The following GNA14 variants were observed in gnomAD, a reference collection of about 807,000 sequenced individuals.
GNA14 encodes guanine nucleotide-binding protein subunit alpha-14.
In GNA14, 50 loss-of-function variants were observed where a neutral mutation model predicts 42.0. That is an observed-to-expected ratio of 1.19 (90% CI 0.95 to 1.51). The LOEUF is 1.51. Ranked by LOEUF, GNA14 falls within the 40% of genes most tolerant of loss-of-function variation. The probability of loss-of-function intolerance (pLI) is 0.00; values close to 1 mark genes in which losing one functional copy is unlikely to be tolerated. For synonymous variants in GNA14, 173 were observed against 163.1 expected (o/e 1.06, Z -0.46); for missense variants, 473 against 446.2 (o/e 1.06, Z -0.54).
At chr9:77,549,513 C>T (rs1467224065) in intron 1 of GNA14, among the ~76,000 whole-genome samples, 1 of 152,176 alleles carries the variant, frequency 6.6e-6, no homozygotes, top group African/African-American at 2.4e-5. Flanking sequence ...CCTTATTATT[C>T]AGTTGTTTTG....
chr9:77,589,559 G>A (rs1178782448), intron 1 of GNA14, among the ~76,000 whole-genome samples: 1 of 152,170 alleles, frequency 6.6e-6, no homozygotes, highest in Non-Finnish European at 1.5e-5. Context: ...TACTGTGTTT[G>A]TTGAAAGGGG....
intron 3 of GNA14, among the ~76,000 whole-genome samples, chr9:77,433,612 C>T (rs1835594641): frequency 6.6e-6 from 1 of 152,134 alleles, no homozygotes; most frequent in Admixed American, 6.6e-5. Flanking sequence ...ATCCTCCCAC[C>T]TCTGCCTCCC....
At chr9:77,521,881 G>A (rs1477681391) in intron 2 of GNA14, among the ~76,000 whole-genome samples, 1 of 152,108 alleles carries the variant, frequency 6.6e-6, no homozygotes, top group Admixed American at 6.5e-5. Context: ...CACCCAGGCT[G>A]GGGTGCAATG....
At chr9:77,591,604 A>G (rs1257047043) in intron 1 of GNA14, among the ~76,000 whole-genome samples, 1 of 152,218 alleles carries the variant, frequency 6.6e-6, no homozygotes, top group South Asian at 2.1e-4. Flanking sequence ...TAGGGTGAGA[A>G]GCATAGTTTA....
chr9:77,525,760 G>A lies in GNA14; in HGVS notation c.309+3309C>T, dbSNP rs28363916. 5.9e-5 allele frequency among the ~76,000 whole-genome samples: 9 copies of A among 151,710 alleles called. No individual in the cohort carries two copies. The East Asian group carries it at 1.2e-3, about 20-fold the overall frequency. On this transcript the variant is annotated intron_variant, in intron 2 of 6. Coordinates refer to ENST00000341700, the MANE Select transcript of GNA14 (RefSeq NM_004297.4). ...TCACCGCGTTAGCCAGGATGATCTC[G>A]ATCTCCTGACCTTGTAATATGCCTG...
chr9:77,595,486 C>G (rs1003843372), intron 1 of GNA14, among the ~76,000 whole-genome samples: 2 of 152,104 alleles, frequency 1.3e-5, no homozygotes, highest in Admixed American at 6.5e-5. Context: ...AAGAGGAAAC[C>G]GGAGGTTATT....
chr9:77,643,559 T>C (rs1478230504), intron 1 of GNA14, among the ~76,000 whole-genome samples: 2 of 152,150 alleles, frequency 1.3e-5, no homozygotes, highest in Admixed American at 1.3e-4. Context: ...CTTTCTACCT[T>C]AAAACTCACA....
rs367816975 is a variant in GNA14 at position 77,635,892 on chromosome 9, T to C, written c.124+11778A>G. 1.4e-4 allele frequency among the ~76,000 whole-genome samples: 21 copies of C among 152,344 alleles called. No individual in the cohort carries two copies. In the East Asian group the frequency reaches 3.1e-3, roughly 22 times the overall value. On this transcript the variant is annotated intron_variant, in intron 1 of 6. Coordinates refer to ENST00000341700, the MANE Select transcript of GNA14 (RefSeq NM_004297.4). Reference sequence around the variant, plus strand: ...CATCCATAGGATCAAAGTTTGTACTTGTGTTTCTCAAACACTGTAGGAAGG... The same window carrying C: ...CATCCATAGGATCAAAGTTTGTACTCGTGTTTCTCAAACACTGTAGGAAGG...
chr9:77,488,784 TAAAAAAA>T (rs67416479), intron 2 of GNA14, among the ~76,000 whole-genome samples: 6 of 53,684 alleles, frequency 1.1e-4, no homozygotes, highest in Admixed American at 2.4e-4. Flanking sequence ...CACACCTAAT[TAAAAAAA>T]AAAAAAAAAA....
At chr9:77,445,125 G>C (rs1246804667) in intron 2 of GNA14, among the ~76,000 whole-genome samples, 1 of 152,238 alleles carries the variant, frequency 6.6e-6, no homozygotes, top group Non-Finnish European at 1.5e-5. Context: ...CTGATGGCGG[G>C]GAAGGAGAAG....
chr9:77,522,240 G>A (rs1837368797), intron 2 of GNA14, among the ~76,000 whole-genome samples: 3 of 152,166 alleles, frequency 2.0e-5, no homozygotes, highest in African/African-American at 7.2e-5. Context: ...AGCAACAGTA[G>A]GAGAAGGCAG....
At chr9:77,443,483 C>T (rs1835768023) in intron 2 of GNA14, among the ~76,000 whole-genome samples, 2 of 152,210 alleles carry the variant, frequency 1.3e-5, no homozygotes, top group Admixed American at 1.3e-4. Flanking sequence ...ACCTAGACTT[C>T]AATCTCCCAC....
chr9:77,436,551 G>A (rs1453002278), intron 2 of GNA14, among the ~76,000 whole-genome samples: 2 of 152,214 alleles, frequency 1.3e-5, no homozygotes, highest in Non-Finnish European at 2.9e-5. Context: ...TGGCGAGAAT[G>A]ATGGATGGAG....
intron 1 of GNA14, among the ~76,000 whole-genome samples, chr9:77,627,834 G>A (rs937510229): frequency 9.2e-5 from 14 of 152,062 alleles, no homozygotes; most frequent in East Asian, 1.9e-4. Flanking sequence ...AACTGGCCAA[G>A]ACAAGGATAC....
Position 77,573,863 on chromosome 9 carries a change from G to A in GNA14, c.125-44610C>T, listed in dbSNP as rs181988785. Among the ~76,000 whole-genome samples the A allele has an allele frequency of 5.8e-3, 884 of 152,296 alleles. 8 individuals are homozygous for A. Among genetic ancestry groups the A allele is most frequent in the African/African-American group, 0.02 (823 of 41,562 alleles). ...ATGTGACTAACTCCACCTTAGAGAA[G>A]AAGAGGGTCAGGAGAGAAGGTGGCA... On this transcript the variant is annotated intron_variant, in intron 1 of 6. Coordinates refer to ENST00000341700, the MANE Select transcript of GNA14 (RefSeq NM_004297.4).
intron 1 of GNA14, among the ~76,000 whole-genome samples, chr9:77,562,290 A>G (rs149477056): frequency 2.7e-4 from 41 of 152,344 alleles, no homozygotes; most frequent in Non-Finnish European, 5.1e-4. Flanking sequence ...GAAAGAAAGT[A>G]GCGTCTGCAA....
intron 2 of GNA14, among the ~76,000 whole-genome samples, chr9:77,495,096 G>C (rs948585751): frequency 6.6e-6 from 1 of 152,054 alleles, no homozygotes; most frequent in African/African-American, 2.4e-5. Flanking sequence ...CACCATGCCT[G>C]GCCAAGAGTT....
At chr9:77,474,404 CA>C (rs763642977) in intron 2 of GNA14, among the ~76,000 whole-genome samples, 93,985 of 152,026 alleles carry the variant, frequency 0.62, 30,667 homozygotes, top group African/African-American at 0.83. Flanking sequence ...TTATCCATGA[CA>C]AGCCTCATTA....
intron 2 of GNA14, among the ~76,000 whole-genome samples, chr9:77,515,962 A>G: frequency 8.3e-6 from 1 of 121,198 alleles, no homozygotes; most frequent in South Asian, 2.5e-4. Context: ...CTGTCTCACA[A>G]AAAAAAAAAA....
Sources: allele counts gnomAD v4.1 joint callset (sites outside exome capture counted in the v4.1 genomes callset), GRCh38; gene constraint gnomAD v4.1.1; transcripts MANE v1.5; gene names NCBI Gene and HGNC (gene_info 2026-07-23, HGNC 2026-07-21).